The following DGKB variants were observed in gnomAD, a reference collection of about 807,000 sequenced individuals.
DGKB encodes diacylglycerol kinase beta, also known as 90 kDa diacylglycerol kinase.
A neutral mutation model predicts 114.3 loss-of-function variants in DGKB; 67 were observed. The observed-to-expected ratio is 0.59, with a 90% CI of 0.48 to 0.72. DGKB has a LOEUF of 0.72. Ranked by LOEUF, DGKB falls within the 30% of genes least tolerant of loss-of-function variation. The pLI is 0.00. For synonymous variants in DGKB, 398 were observed against 323.1 expected (o/e 1.23, Z -2.49); for missense variants, 907 against 975.2 (o/e 0.93, Z 0.93).
At chr7:14,482,317 G>A (rs1024758140) in intron 20 of DGKB, among the ~76,000 whole-genome samples, 12 of 151,610 alleles carry the variant, frequency 7.9e-5, no homozygotes, top group African/African-American at 2.7e-4. Context: ...TTATTGAGAT[G>A]GTTAATTAAA....
At chr7:14,690,283 TC>T (rs947784319) in intron 9 of DGKB, among the ~76,000 whole-genome samples, 4 of 152,198 alleles carry the variant, frequency 2.6e-5, no homozygotes, top group African/African-American at 9.6e-5. Flanking sequence ...TTCTCGTTTT[TC>T]CGGAGACAGC....
intron 23 of DGKB, among the ~76,000 whole-genome samples, chr7:14,267,418 T>C (rs577901071): frequency 7.2e-5 from 11 of 152,184 alleles, no homozygotes; most frequent in Admixed American, 6.5e-4. Context: ...AGCAGAAAGA[T>C]GACTAGCCCA....
At chr7:14,939,664 C>G (rs1160885061) in intron 1 of DGKB, among the ~76,000 whole-genome samples, 1 of 103,390 alleles carries the variant, frequency 9.7e-6, no homozygotes, top group Non-Finnish European at 1.7e-5. Flanking sequence ...GAGTCTCGTT[C>G]TGCCCAGGCT....
At chr7:14,578,208 T>C (rs1799444669) in intron 19 of DGKB, among the ~76,000 whole-genome samples, 1 of 152,184 alleles carries the variant, frequency 6.6e-6, no homozygotes, top group Non-Finnish European at 1.5e-5. Context: ...ACCTTCACGA[T>C]TGTAAGTTTC....
At chr7:14,418,367 GTGTGTA>G (rs1212166973) in intron 21 of DGKB, among the ~76,000 whole-genome samples, 1 of 62,326 alleles carries the variant, frequency 1.6e-5, no homozygotes, top group Non-Finnish European at 3.0e-5. Context: ...ATATATGTGT[GTGTGTA>G]TATATATATA....
At chr7:14,946,639 G>C (rs1318331707) in intron 1 of DGKB, among the ~76,000 whole-genome samples, 2 of 151,584 alleles carry the variant, frequency 1.3e-5, no homozygotes, top group African/African-American at 4.8e-5. Context: ...CACCACAAAG[G>C]AATCTGTCAT....
At chr7:14,530,884 T>C (rs1048510539) in intron 20 of DGKB, among the ~76,000 whole-genome samples, 2 of 151,620 alleles carry the variant, frequency 1.3e-5, no homozygotes, top group African/African-American at 4.8e-5. Context: ...TCATTTTATC[T>C]AGGCTATTTT....
chr7:14,506,935 T>A (rs1787178689), intron 20 of DGKB, among the ~76,000 whole-genome samples: 1 of 152,162 alleles, frequency 6.6e-6, no homozygotes, highest in Non-Finnish European at 1.5e-5. Context: ...AGAGTTCCAT[T>A]TTTTGCCCTC....
At chr7:14,168,422 C>T (rs566195261) in intron 25 of DGKB, among the ~76,000 whole-genome samples, 8 of 152,154 alleles carry the variant, frequency 5.3e-5, no homozygotes, top group South Asian at 2.1e-4. Context: ...GGAGATGTGC[C>T]GATGTGGCAA....
chr7:14,487,989 A>G (rs923674717), intron 20 of DGKB, among the ~76,000 whole-genome samples: 1 of 152,164 alleles, frequency 6.6e-6, no homozygotes, highest in African/African-American at 2.4e-5. Context: ...AAACTTATGA[A>G]CATTGTAATG....
intron 17 of DGKB, among the ~76,000 whole-genome samples, chr7:14,592,820 T>C (rs76646103): frequency 3.3e-5 from 5 of 151,914 alleles, no homozygotes; most frequent in East Asian, 1.9e-4. Flanking sequence ...AACATTTTAA[T>C]TTAAAGTAAA....
intron 1 of DGKB, among the ~76,000 whole-genome samples, chr7:14,881,375 T>A (rs1854205864): frequency 6.6e-6 from 1 of 152,170 alleles, no homozygotes; most frequent in Admixed American, 6.5e-5. Context: ...ACTAGGGAAA[T>A]TAACCCTTTG....
intron 20 of DGKB, among the ~76,000 whole-genome samples, chr7:14,559,034 C>G (rs1355668982): frequency 1.3e-5 from 2 of 152,170 alleles, no homozygotes; most frequent in Non-Finnish European, 2.9e-5. Flanking sequence ...CAAATATTCC[C>G]CTGGGAAAGC....
intron 17 of DGKB, among the ~76,000 whole-genome samples, chr7:14,587,267 T>A (rs1025378614): frequency 6.6e-6 from 1 of 152,086 alleles, no homozygotes; most frequent in Non-Finnish European, 1.5e-5. Flanking sequence ...TCGCTGCAGA[T>A]GTCATAAAAA....
intron 23 of DGKB, among the ~76,000 whole-genome samples, chr7:14,255,555 G>A (rs1795841683): frequency 1.3e-5 from 2 of 152,098 alleles, no homozygotes; most frequent in African/African-American, 4.8e-5. Context: ...CCTGTATGTT[G>A]TTGCAAAAGT....
At chr7:14,297,217 C>G (rs1027354543) in intron 23 of DGKB, among the ~76,000 whole-genome samples, 5 of 152,118 alleles carry the variant, frequency 3.3e-5, no homozygotes, top group Admixed American at 1.3e-4. Context: ...AGGCCATCAT[C>G]ATCCTGATAC....
intron 23 of DGKB, among the ~76,000 whole-genome samples, chr7:14,321,756 AC>A (rs1296900768): frequency 6.6e-6 from 1 of 152,188 alleles, no homozygotes; most frequent in Non-Finnish European, 1.5e-5. Flanking sequence ...GTATTTTGGT[AC>A]AACAAAAACA....
intron 23 of DGKB, among the ~76,000 whole-genome samples, chr7:14,326,189 C>A (rs141962390): frequency 6.6e-6 from 1 of 151,742 alleles, no homozygotes; most frequent in East Asian, 1.9e-4. Flanking sequence ...CAAAAGTCTC[C>A]CCTATTAGCA....
intron 1 of DGKB, among the ~76,000 whole-genome samples, chr7:14,925,085 T>C (rs551842581): frequency 2.8e-4 from 43 of 152,294 alleles, no homozygotes; most frequent in African/African-American, 1.0e-3. Context: ...TTCACTCAAG[T>C]TTTTTATGTA....
Sources: gnomAD v4.1 joint callset for allele counts (sites outside exome capture counted in the v4.1 genomes callset) on GRCh38, gnomAD v4.1.1 for gene constraint, MANE v1.5 for transcripts, NCBI Gene and HGNC (gene_info 2026-07-23, HGNC 2026-07-21) for gene names.